The following CCSER1 variants were observed in gnomAD, a reference collection of about 807,000 sequenced individuals.
CCSER1 encodes the protein coiled-coil serine rich protein 1.
CCSER1 carries 41 observed loss-of-function variants against 82.0 expected under a neutral mutation model. That is an observed-to-expected ratio of 0.50 (90% CI 0.39 to 0.65). CCSER1 has a LOEUF of 0.65. Ranked by LOEUF, CCSER1 falls within the 30% of genes least tolerant of loss-of-function variation. The pLI is 0.00. For synonymous variants in CCSER1, 414 were observed against 383.9 expected, an observed-to-expected ratio of 1.08 and a Z score of -0.92; for missense variants, 1,119 against 1,064.2, an observed-to-expected ratio of 1.05 and a Z score of -0.72.
At chr4:90,673,998 G>A (rs914084442) in intron 6 of CCSER1, among the ~76,000 whole-genome samples, 5 of 151,922 alleles carry the variant, frequency 3.3e-5, no homozygotes, top group African/African-American at 7.2e-5. Flanking sequence ...TCCCACAGAA[G>A]CTGGGAGATA....
chr4:91,598,655 T>C lies in CCSER1; in HGVS notation c.2301T>C (p.Phe767=). 1 of 1,551,472 alleles carries C rather than the reference T, an allele frequency of 6.4e-7. No homozygotes were observed. Among genetic ancestry groups the C allele is most frequent in the Non-Finnish European group, 8.7e-7 (1 of 1,146,912 alleles). Residue 767 remains phenylalanine (F), a synonymous_variant, in exon 11 of 11, where the codon TTT becomes TTC. Coordinates refer to ENST00000509176, the MANE Select transcript of CCSER1 (RefSeq NM_001145065.2). ...KAIHTPTEDR[F]RYSAADQTSP... is the part of the protein sequence containing the mutation. ...TACATACTCCCACCGAGGACCGTTT[T>C]AGGTATTCGGCAGCGGACCAGACAA...
chr4:90,503,197 GT>G (rs1178820923), intron 5 of CCSER1, among the ~76,000 whole-genome samples: 3 of 152,064 alleles, frequency 2.0e-5, no homozygotes, highest in Admixed American at 1.3e-4. Flanking sequence ...GTGTTATATT[GT>G]TTTTTCCCAG....
chr4:90,210,868 TG>T (rs747360235), intron 1 of CCSER1, among the ~76,000 whole-genome samples: 126 of 152,324 alleles, frequency 8.3e-4, no homozygotes, highest in Non-Finnish European at 1.6e-3. Flanking sequence ...TAAAACATTT[TG>T]TTTTTTTTTA....
At chr4:90,397,198 T>C (rs1752075409) in intron 3 of CCSER1, among the ~76,000 whole-genome samples, 1 of 152,170 alleles carries the variant, frequency 6.6e-6, no homozygotes, top group Non-Finnish European at 1.5e-5. Flanking sequence ...AAGCAATTCA[T>C]CTAGACCAGT....
intron 3 of CCSER1, among the ~76,000 whole-genome samples, chr4:90,392,702 T>C (rs1308841002): frequency 6.6e-6 from 1 of 152,176 alleles, no homozygotes; most frequent in Non-Finnish European, 1.5e-5. Flanking sequence ...CAAGAATTCA[T>C]AGAATTAAGA....
chr4:91,056,415 G>T (rs552315539), intron 9 of CCSER1, among the ~76,000 whole-genome samples: 1 of 152,246 alleles, frequency 6.6e-6, no homozygotes, highest in East Asian at 1.9e-4. Flanking sequence ...CACCTTGAAC[G>T]CTGTGTCTTC....
intron 6 of CCSER1, chr4:90,663,918 A>G: frequency 3.0e-6 from 1 of 328,770 alleles, no homozygotes. Context: ...TATGAAAGTG[A>G]AGCTAATGCT....
chr4:90,967,596 A>G (rs1480986416), intron 9 of CCSER1, among the ~76,000 whole-genome samples: 1 of 152,148 alleles, frequency 6.6e-6, no homozygotes, highest in Non-Finnish European at 1.5e-5. Flanking sequence ...TAATACTACA[A>G]AATTTTTATA....
chr4:91,083,433 A>G (rs1332460336), intron 9 of CCSER1, among the ~76,000 whole-genome samples: 1 of 152,136 alleles, frequency 6.6e-6, no homozygotes, highest in Non-Finnish European at 1.5e-5. Flanking sequence ...GGGGAAGGAT[A>G]GCATTAGGAG....
intron 5 of CCSER1, among the ~76,000 whole-genome samples, chr4:90,504,893 A>T (rs192723553): frequency 6.6e-6 from 1 of 152,148 alleles, no homozygotes. Context: ...CAAAAAACCC[A>T]GAGTATCCAA....
At chr4:91,257,550 AAC>A (rs1482153974) in intron 10 of CCSER1, among the ~76,000 whole-genome samples, 1 of 99,648 alleles carries the variant, frequency 1.0e-5, no homozygotes, top group Non-Finnish European at 1.9e-5. Context: ...ATGGGCAACT[AAC>A]TGTTTATTCC....
intron 8 of CCSER1, among the ~76,000 whole-genome samples, chr4:90,892,053 T>C (rs932074827): frequency 6.6e-6 from 1 of 152,104 alleles, no homozygotes; most frequent in South Asian, 2.1e-4. Context: ...TTTATTAATG[T>C]GCATCATCCA....
chr4:90,181,351 C>CA (rs1290118357), intron 1 of CCSER1, among the ~76,000 whole-genome samples: 2 of 152,040 alleles, frequency 1.3e-5, no homozygotes, highest in African/African-American at 4.8e-5. Context: ...ATATGATATA[C>CA]AAAAGTTAAT....
intron 10 of CCSER1, among the ~76,000 whole-genome samples, chr4:91,563,600 G>A (rs905814697): frequency 4.6e-5 from 7 of 151,738 alleles, no homozygotes; most frequent in African/African-American, 1.7e-4. Context: ...AATACTCAGT[G>A]GTGAAAAGCT....
chr4:90,407,777 G>A (rs930598951), intron 4 of CCSER1, among the ~76,000 whole-genome samples: 3 of 152,222 alleles, frequency 2.0e-5, no homozygotes, highest in Middle Eastern at 3.4e-3. Context: ...GGGAGTGCTG[G>A]ACAGTGGGTG....
At chr4:90,616,185 A>T (rs545813717) in intron 5 of CCSER1, among the ~76,000 whole-genome samples, 1 of 152,296 alleles carries the variant, frequency 6.6e-6, no homozygotes, top group African/African-American at 2.4e-5. Context: ...CTAGGAAAGC[A>T]AAAAAATTGT....
At chr4:90,836,255 A>G (rs553369954) in intron 8 of CCSER1, among the ~76,000 whole-genome samples, 27 of 152,282 alleles carry the variant, frequency 1.8e-4, no homozygotes, top group African/African-American at 5.5e-4. Context: ...CAGAACAGAC[A>G]TTTAGATCAA....
intron 3 of CCSER1, among the ~76,000 whole-genome samples, chr4:90,329,821 TTGGCTATTTACAGAGAAATTTAATTTG>T (rs1738946635): frequency 1.3e-5 from 2 of 152,190 alleles, no homozygotes; most frequent in South Asian, 4.1e-4. Context: ...GACAGGTGTC[TTGGCTATTTACAGAGAAATTTAATTTG>T]CATTTTTTTA....
chr4:91,216,008 C>T (rs1737210179), intron 10 of CCSER1, among the ~76,000 whole-genome samples: 1 of 152,188 alleles, frequency 6.6e-6, no homozygotes, highest in South Asian at 2.1e-4. Flanking sequence ...CAAAAGCGGT[C>T]TGTGTTCTGA....
Sources: allele counts gnomAD v4.1 joint callset (sites outside exome capture counted in the v4.1 genomes callset), GRCh38; gene constraint gnomAD v4.1.1; transcripts MANE v1.5; gene names NCBI Gene and HGNC (gene_info 2026-07-23, HGNC 2026-07-21).